The following PCDHA5 variants were observed in gnomAD, a reference collection of about 807,000 sequenced individuals.
PCDHA5 encodes protocadherin alpha-5.
A neutral mutation model predicts 61.6 loss-of-function variants in PCDHA5; 43 were observed. That is an observed-to-expected ratio of 0.70 (90% CI 0.55 to 0.90). The LOEUF is 0.90. PCDHA5 is among the 40% of genes least tolerant of loss of function. The pLI, the probability that PCDHA5 is intolerant of heterozygous loss-of-function variation, is 0.00. For missense variants in PCDHA5, 1,298 were observed against 1,222.7 expected, an observed-to-expected ratio of 1.06 and a Z score of -0.92; for synonymous variants, 627 against 543.9, an observed-to-expected ratio of 1.15 and a Z score of -2.13.
At chr5:140,883,940 G>A in intron 1 of PCDHA5, 1 of 1,613,412 alleles carries the variant, frequency 6.2e-7, no homozygotes, top group Non-Finnish European at 8.5e-7. Flanking sequence ...CGTGCTGGAC[G>A]AGAACGACAA....
At chr5:140,984,693 A>G (rs1587034361) in intron 3 of PCDHA5, among the ~76,000 whole-genome samples, 1 of 152,264 alleles carries the variant, frequency 6.6e-6, no homozygotes, top group East Asian at 1.9e-4. Flanking sequence ...TATGTTCTGC[A>G]CTGCTTGGAG....
intron 1 of PCDHA5, chr5:140,966,545 G>A: frequency 2.1e-6 from 1 of 465,980 alleles, no homozygotes; most frequent in Non-Finnish European, 3.7e-6. Context: ...CGACTCGGAG[G>A]CGAGCGGAGG....
intron 1 of PCDHA5, chr5:140,847,941 A>G (rs923253393): frequency 3.3e-5 from 5 of 151,238 alleles, no homozygotes; most frequent in African/African-American, 1.2e-4. Flanking sequence ...CAACTCCTGG[A>G]TTTCTCTTAC....
chr5:140,984,599 C>T (rs1415361733), intron 3 of PCDHA5, among the ~76,000 whole-genome samples: 1 of 152,162 alleles, frequency 6.6e-6, no homozygotes, highest in Non-Finnish European at 1.5e-5. Context: ...TCAATACATA[C>T]CTCTGCATCA....
Position 140,883,713 on chromosome 5 carries a change from C to G in PCDHA5, c.2352+59586C>G, listed in dbSNP as rs782438050. ...ATCTTCACGGTGTCTGCTCAGGACG[C>G]GGACGCACAGGAGAACGCGCTGGTC... On this transcript the variant is annotated intron_variant, in intron 1 of 3. Coordinates refer to ENST00000529859, the MANE Select transcript of PCDHA5 (RefSeq NM_018908.3). 2.5e-6 allele frequency: 4 copies of G among 1,613,520 alleles called. No homozygotes were observed. The East Asian group carries it at 8.9e-5, about 36-fold the overall frequency.
chr5:140,974,146 A>G (rs1208366709), intron 1 of PCDHA5, among the ~76,000 whole-genome samples: 1 of 152,260 alleles, frequency 6.6e-6, no homozygotes, highest in Non-Finnish European at 1.5e-5. Context: ...TGAAAACTAT[A>G]CAAGGGTTTT....
Position 140,849,905 on chromosome 5 carries a change from G to A in PCDHA5, c.2352+25778G>A, listed in dbSNP as rs2150456926. On this transcript the variant is annotated intron_variant, in intron 1 of 3. Coordinates refer to ENST00000529859, the MANE Select transcript of PCDHA5 (RefSeq NM_018908.3). The stretch of plus-strand genomic sequence containing the variant: ...TGTTCGTGAAGGAGAACAACCCGCC[G>A]GGCTGCCACATCTTCACGGTGTCTG... The A allele has an allele frequency of 3.4e-5, 55 of 1,598,312 alleles. 1 individual carries two copies. The highest frequency in any genetic ancestry group is 3.5e-4 in the Middle Eastern group (2 of 5,794).
chr5:140,950,741 C>G (rs149114023), intron 1 of PCDHA5, among the ~76,000 whole-genome samples: 2,002 of 152,118 alleles, frequency 0.013, 30 homozygotes, highest in South Asian at 0.028. Context: ...ATCCTAATTT[C>G]TCTCTATCCT....
intron 1 of PCDHA5, among the ~76,000 whole-genome samples, chr5:140,944,057 G>A (rs1394005045): frequency 1.3e-5 from 2 of 152,130 alleles, no homozygotes; most frequent in African/African-American, 4.8e-5. Context: ...GATACAAAAA[G>A]GTTTCTTGTT....
intron 1 of PCDHA5, among the ~76,000 whole-genome samples, chr5:140,921,179 GT>G (rs1563044506): frequency 6.6e-6 from 1 of 151,662 alleles, no homozygotes; most frequent in South Asian, 2.1e-4. Context: ...ATAAAGCACA[GT>G]TTTTTCACAA....
At chr5:140,991,320 A>G (rs1563572656) in intron 3 of PCDHA5, among the ~76,000 whole-genome samples, 1 of 152,216 alleles carries the variant, frequency 6.6e-6, no homozygotes, top group Non-Finnish European at 1.5e-5. Context: ...CGCATGATAC[A>G]TGAAGGGAAT....
In PCDHA5 at chr5:140,884,360, G is replaced by A. The variant is rs782401694; in HGVS notation, c.2352+60233G>A. On this transcript the variant is annotated intron_variant, in intron 1 of 3. Coordinates refer to ENST00000529859, the MANE Select transcript of PCDHA5 (RefSeq NM_018908.3). ...AGAAGCGGCGCTGGTGGATGTCAAT[G>A]TTTACTTGATCATTGCCATCTGCGC... The A allele has an allele frequency of 3.1e-6, 5 of 1,613,852 alleles. No individual in the cohort carries two copies. The African/African-American group carries it at 4.0e-5, about 13-fold the overall frequency.
At chr5:140,980,585 G>A (rs1181393743) in intron 2 of PCDHA5, among the ~76,000 whole-genome samples, 2 of 151,902 alleles carry the variant, frequency 1.3e-5, no homozygotes, top group African/African-American at 2.4e-5. Flanking sequence ...AGCCAAGATC[G>A]AGCCACTGCA....
intron 1 of PCDHA5, chr5:140,843,534 C>T: frequency 6.3e-7 from 1 of 1,596,028 alleles, no homozygotes; most frequent in Non-Finnish European, 8.6e-7. Flanking sequence ...GGCAAGCCCA[C>T]TCTGGTGTGC....
rs536777034 is a variant in PCDHA5 at position 140,985,803 on chromosome 5, G to A, written c.2500+3240G>A. Among the ~76,000 whole-genome samples the A allele has an allele frequency of 1.3e-4, 18 of 139,858 alleles. No individual in the cohort carries two copies. In the East Asian group the frequency reaches 1.8e-3, roughly 14 times the overall value. The allele number at this position is 139,858 out of a possible 152,430, so 91.8% of individuals were successfully genotyped here. A position where few individuals can be genotyped will look rare whatever the true frequency, so the allele number is the denominator to read the frequency against. Reference sequence around the variant, plus strand: ...CGCCCAGGCTGGAGTGCAGTGGCACGATCTCAGCTCACAACAAGCTCTGCC... The same window carrying A: ...CGCCCAGGCTGGAGTGCAGTGGCACAATCTCAGCTCACAACAAGCTCTGCC... On this transcript the variant is annotated intron_variant, in intron 3 of 3. Transcript: ENST00000529859.
At chr5:140,882,987 CG>C in intron 1 of PCDHA5, 1 of 1,614,110 alleles carries the variant, frequency 6.2e-7, no homozygotes, top group South Asian at 1.1e-5. Flanking sequence ...GACAACGCCC[CG>C]GAATTTTACC....
intron 1 of PCDHA5, chr5:140,856,802 GA>G (rs782128453): frequency 1.3e-6 from 2 of 1,595,592 alleles, no homozygotes; most frequent in East Asian, 4.5e-5. Context: ...TAAGATGTAT[GA>G]AAATCAAGTG....
At chr5:140,857,150 A>C in intron 1 of PCDHA5, 1 of 1,598,240 alleles carries the variant, frequency 6.3e-7, no homozygotes, top group Non-Finnish European at 8.6e-7. Context: ...GGGCACCGTC[A>C]TTGCCCTAAT....
At chr5:140,916,261 A>C (rs2077497892) in intron 1 of PCDHA5, among the ~76,000 whole-genome samples, 1 of 152,168 alleles carries the variant, frequency 6.6e-6, no homozygotes. Context: ...GGACCCCAAG[A>C]GCATGCTTGT....
Sources: allele counts gnomAD v4.1 joint callset (sites outside exome capture counted in the v4.1 genomes callset), GRCh38; gene constraint gnomAD v4.1.1; transcripts MANE v1.5; gene names NCBI Gene and HGNC (gene_info 2026-07-23, HGNC 2026-07-21).